Variants in MIR2052HG observed in about 807,000 individuals in gnomAD.
MIR2052HG encodes the protein MIR2052 host gene.
At chr8:74,637,089 A>T (rs1808589812) in intron 2 of MIR2052HG, among the ~76,000 whole-genome samples, 1 of 152,164 alleles carries the variant, frequency 6.6e-6, no homozygotes, top group African/African-American at 2.4e-5. Context: ...TGAGAATAGA[A>T]AGGAAGAAAG....
At chr8:74,757,856 G>A (rs898099137) in intron 5 of MIR2052HG, 1 of 151,964 alleles carries the variant, frequency 6.6e-6, no homozygotes, top group Non-Finnish European at 1.5e-5. Flanking sequence ...TAGTTCCTTT[G>A]TGGGGAAAAA....
rs559772019 is a variant in MIR2052HG at position 74,682,142 on chromosome 8, C to T, written n.217-20237C>T. On this transcript the variant is annotated intron_variant and non_coding_transcript_variant, in intron 2 of 6. Transcript: ENST00000523442. ...AACATCATGTTGTACACCTGAAATA[C>T]ATACAATATATAAAAAATGCAGTTG... Among the ~76,000 whole-genome samples, 15 of 152,118 alleles carry T rather than the reference C, an allele frequency of 9.9e-5. 1 individual carries two copies. The highest frequency in any genetic ancestry group is 9.2e-4 in the Admixed American group (14 of 15,270).
chr8:74,645,720 G>A (rs1289324994), intron 2 of MIR2052HG, among the ~76,000 whole-genome samples: 2 of 152,186 alleles, frequency 1.3e-5, no homozygotes, highest in African/African-American at 4.8e-5. Flanking sequence ...TCTAGAAAGA[G>A]CAAAGCCATG....
intron 1 of MIR2052HG, among the ~76,000 whole-genome samples, chr8:74,602,853 C>CTTTCTTTCTTTCTTTCTTTCTTTCTTTCT (rs1808034120): frequency 7.0e-6 from 1 of 143,818 alleles, no homozygotes; most frequent in African/African-American, 2.6e-5. Flanking sequence ...TTCTTTCTTT[C>CTTTCTTTCTTTCTTTCTTTCTTTCTTTCT]TTTCTTTCTT....
intron 4 of MIR2052HG, among the ~76,000 whole-genome samples, chr8:74,704,774 C>T (rs1809392994): frequency 6.6e-6 from 1 of 152,020 alleles, no homozygotes; most frequent in Non-Finnish European, 1.5e-5. Context: ...ACTTGATAAA[C>T]ATTTCATTTA....
At chr8:74,718,143 A>G (rs1433805788) in intron 4 of MIR2052HG, among the ~76,000 whole-genome samples, 1 of 152,228 alleles carries the variant, frequency 6.6e-6, no homozygotes, top group Non-Finnish European at 1.5e-5. Flanking sequence ...TTGTTGGGGC[A>G]ATGGAGACAT....
chr8:74,630,340 T>C lies in MIR2052HG; in HGVS notation n.216+17400T>C, dbSNP rs147502447. Reference sequence around the variant, plus strand: ...AGTGGGCTGCTGCTCTTTCTGGATATTGGGGCAAGAGACAAGTCAGGCTTG... The same window carrying C: ...AGTGGGCTGCTGCTCTTTCTGGATACTGGGGCAAGAGACAAGTCAGGCTTG... On this transcript the variant is annotated intron_variant and non_coding_transcript_variant, in intron 2 of 6. Transcript: ENST00000523442. Among the ~76,000 whole-genome samples the C allele has an allele frequency of 6.8e-4, 104 of 152,074 alleles. No individual in the cohort carries two copies. The Middle Eastern group carries it at 0.014, about 20-fold the overall frequency.
intron 2 of MIR2052HG, among the ~76,000 whole-genome samples, chr8:74,651,191 G>A (rs770211060): frequency 1.3e-4 from 20 of 150,912 alleles, no homozygotes; most frequent in East Asian, 7.8e-4. Context: ...CACCATAGCC[G>A]TTGGGAACTG....
chr8:74,749,914 C>T (rs1002297654), intron 4 of MIR2052HG, among the ~76,000 whole-genome samples: 2 of 150,624 alleles, frequency 1.3e-5, no homozygotes, highest in Non-Finnish European at 2.9e-5. Context: ...CATTTTGAGA[C>T]ATTTTTGAAC....
At chr8:74,701,503 C>G (rs1315787203) in intron 2 of MIR2052HG, among the ~76,000 whole-genome samples, 1 of 151,966 alleles carries the variant, frequency 6.6e-6, no homozygotes, top group Non-Finnish European at 1.5e-5. Flanking sequence ...AGGTAGAGTC[C>G]AGTGGCTCCA....
intron 2 of MIR2052HG, among the ~76,000 whole-genome samples, chr8:74,647,263 A>G (rs1357068887): frequency 2.0e-5 from 3 of 152,200 alleles, no homozygotes; most frequent in African/African-American, 7.2e-5. Context: ...GAGGACAGAA[A>G]CACCCAGGTT....
In MIR2052HG at chr8:74,700,159, A is replaced by G. The variant is rs538341969; in HGVS notation, n.217-2220A>G. 1.4e-4 allele frequency among the ~76,000 whole-genome samples: 21 copies of G among 152,308 alleles called. No homozygotes were observed. In the South Asian group the frequency reaches 3.3e-3, roughly 24 times the overall value. On this transcript the variant is annotated intron_variant and non_coding_transcript_variant, in intron 2 of 6. Coordinates refer to ENST00000523442, the Ensembl canonical transcript of MIR2052HG. ...ATTATTACATGTATATAGATAGACAATGGTGGAGCTTAATGTATGAGCACA... is the reference window on the plus strand; with the variant it reads ...ATTATTACATGTATATAGATAGACAGTGGTGGAGCTTAATGTATGAGCACA...
Position 74,717,559 on chromosome 8 carries a change from C to T in MIR2052HG, n.371+13877C>T, listed in dbSNP as rs145736041. On this transcript the variant is annotated intron_variant and non_coding_transcript_variant, in intron 4 of 6. Transcript: ENST00000523442. Reference sequence around the variant, plus strand: ...CTAGCCCGGTGTTGTGGCTCTTGCCCGTAATCCCAGCATTTTGGGAGGTTG... The same window carrying T: ...CTAGCCCGGTGTTGTGGCTCTTGCCTGTAATCCCAGCATTTTGGGAGGTTG... 9.6e-4 allele frequency among the ~76,000 whole-genome samples: 146 copies of T among 152,086 alleles called. 2 individuals are homozygous for T. The South Asian group carries it at 0.026, about 27-fold the overall frequency.
Position 74,604,583 on chromosome 8 carries a change from C to CTTTTTTTTTTTTTT in MIR2052HG, n.128+4687_128+4700dup, listed in dbSNP as rs35641908. Among the ~76,000 whole-genome samples, 7 of 50,036 alleles carry CTTTTTTTTTTTTTT rather than the reference C, an allele frequency of 1.4e-4. 1 individual carries two copies. The highest frequency in any genetic ancestry group is 2.7e-4 in the African/African-American group (3 of 11,092). 32.8% of individuals were successfully genotyped at this position (50,036 alleles called of 152,430 possible). ...GCTCTGGGCCGGCCTTGTTTCTTTA[C>CTTTTTTTTTTTTTT]TTTTTTTTTTTTTTTTTTTTTTTTT... On this transcript the variant is annotated intron_variant and non_coding_transcript_variant, in intron 1 of 6. Coordinates refer to ENST00000523442, the Ensembl canonical transcript of MIR2052HG.
chr8:74,648,003 T>C (rs1808707672), intron 2 of MIR2052HG, among the ~76,000 whole-genome samples: 1 of 152,148 alleles, frequency 6.6e-6, no homozygotes, highest in South Asian at 2.1e-4. Flanking sequence ...TTGAACAATA[T>C]GAAATCAGTG....
At chr8:74,618,127 A>G (rs1808310761) in intron 2 of MIR2052HG, among the ~76,000 whole-genome samples, 1 of 152,154 alleles carries the variant, frequency 6.6e-6, no homozygotes, top group Non-Finnish European at 1.5e-5. Context: ...ATGGCCCCCA[A>G]TTCCATCGCT....
intron 2 of MIR2052HG, among the ~76,000 whole-genome samples, chr8:74,640,420 G>A (rs1156811388): frequency 1.5e-5 from 2 of 131,378 alleles, no homozygotes; most frequent in Admixed American, 9.4e-5. Flanking sequence ...GCAGTGAGTC[G>A]AAATTGCACC....
chr8:74,718,280 G>A (rs922282993), intron 4 of MIR2052HG, among the ~76,000 whole-genome samples: 1 of 151,904 alleles, frequency 6.6e-6, no homozygotes, highest in African/African-American at 2.4e-5. Flanking sequence ...GGTAAGAATG[G>A]CTCAAAAGAG....
intron 4 of MIR2052HG, among the ~76,000 whole-genome samples, chr8:74,731,771 C>T (rs1342380186): frequency 6.6e-6 from 1 of 152,154 alleles, no homozygotes; most frequent in African/African-American, 2.4e-5. Context: ...AGTGACTTCA[C>T]TTATAATCAC....
Sources: allele counts gnomAD v4.1 joint callset (sites outside exome capture counted in the v4.1 genomes callset), GRCh38; gene constraint gnomAD v4.1.1; transcripts MANE v1.5; gene names NCBI Gene and HGNC (gene_info 2026-07-23, HGNC 2026-07-21).